Variants in ANKFY1 observed in about 807,000 individuals in gnomAD.
The protein encoded by ANKFY1 is ankyrin repeat and FYVE domain containing 1.
Under a neutral mutation model 128.3 loss-of-function variants are expected in ANKFY1, and 47 were observed. The observed-to-expected ratio is 0.37, with a 90% CI of 0.29 to 0.47. The LOEUF is 0.47. ANKFY1 is among the 20% of genes least tolerant of loss of function. The pLI, the probability that ANKFY1 is intolerant of heterozygous loss-of-function variation, is 1.00. For synonymous variants in ANKFY1, 553 were observed against 601.6 expected, an observed-to-expected ratio of 0.92 and a Z score of 1.18; for missense variants, 1,222 against 1,510.6, an observed-to-expected ratio of 0.81 and a Z score of 3.17.
At chr17:4,190,663 T>C (rs2059700644) in intron 10 of ANKFY1, among the ~76,000 whole-genome samples, 1 of 152,192 alleles carries the variant, frequency 6.6e-6, no homozygotes, top group South Asian at 2.1e-4. Flanking sequence ...TACTCTTTTC[T>C]AAATAAAAAC....
intron 3 of ANKFY1, among the ~76,000 whole-genome samples, chr17:4,221,766 C>T (rs938575138): frequency 9.9e-5 from 15 of 152,086 alleles, no homozygotes; most frequent in African/African-American, 3.4e-4. Context: ...TACAGGAGTG[C>T]GTCATCACAC....
At chr17:4,200,458 A>G (rs1232426174) in intron 7 of ANKFY1, among the ~76,000 whole-genome samples, 1 of 152,214 alleles carries the variant, frequency 6.6e-6, no homozygotes, top group Non-Finnish European at 1.5e-5. Context: ...CTGATGGGTG[A>G]TAGCAAGTTA....
In ANKFY1 at chr17:4,167,945, C is replaced by T. The variant is rs776296631; in HGVS notation, c.3378-34G>A. 1.2e-5 allele frequency: 19 copies of T among 1,597,780 alleles called. No homozygotes were observed. The highest frequency in any genetic ancestry group is 4.5e-5 in the East Asian group (2 of 44,624). On this transcript the variant is annotated intron_variant, in intron 24 of 24. Coordinates refer to ENST00000341657, the MANE Select transcript of ANKFY1 (RefSeq NM_001330063.2). The surrounding 1 kb of genome is among the most constrained non-coding windows in gnomAD (Gnocchi z 4.1). The stretch of plus-strand genomic sequence containing the variant: ...GCAAAGAAAGGAAGTATGAGAGGAG[C>T]GCCAACGACAGACTCTGCTTCCTGG...
At chr17:4,189,259 T>G (rs945253758) in intron 11 of ANKFY1, 123 bp downstream of exon 11, 22 of 702,968 alleles carry the variant, frequency 3.1e-5, no homozygotes, top group Non-Finnish European at 1.2e-5. Flanking sequence ...TTTAACCATA[T>G]GCATGTATTA....
At position 4,195,212 on chromosome 17, in the gene ANKFY1, A is replaced by G. The variant is rs202108482; in HGVS notation, c.1173-35T>C. On this transcript the variant is annotated intron_variant, in intron 9 of 24. Transcript: ENST00000341657. ...AGAAGCAGTGTCAACAGCACATACAATCTTTTTGAGACACTCTATACTGAC... is the reference window on the plus strand; with the variant it reads ...AGAAGCAGTGTCAACAGCACATACAGTCTTTTTGAGACACTCTATACTGAC... 193 of 1,566,848 alleles carry G rather than the reference A, an allele frequency of 1.2e-4. No individual in the cohort carries two copies. In the African/African-American group the frequency reaches 2.5e-3, roughly 20 times the overall value.
At chr17:4,259,616 G>A (rs950938915) in intron 1 of ANKFY1, among the ~76,000 whole-genome samples, 2 of 152,178 alleles carry the variant, frequency 1.3e-5, no homozygotes, top group African/African-American at 4.8e-5. Context: ...AAACAAAAAT[G>A]GGCTGGATGA....
rs373965975 is a variant in ANKFY1 at position 4,210,981 on chromosome 17, G to A, written c.459-1034C>T. ...CAGGAGGCGGAGATTGCAGTGAGCC[G>A]AGATTACGCCACTGCACTCCAGCCT... is the stretch of plus-strand genomic sequence containing the variant. On this transcript the variant is annotated intron_variant, in intron 4 of 24. Coordinates refer to ENST00000341657, the MANE Select transcript of ANKFY1 (RefSeq NM_001330063.2). 5.3e-5 allele frequency among the ~76,000 whole-genome samples: 8 copies of A among 151,890 alleles called. No individual in the cohort carries two copies. The East Asian group carries it at 7.7e-4, about 15-fold the overall frequency.
chr17:4,189,927 G>A (rs1462062538), intron 10 of ANKFY1, among the ~76,000 whole-genome samples: 2 of 152,210 alleles, frequency 1.3e-5, no homozygotes, highest in African/African-American at 2.4e-5. Flanking sequence ...GCTAGGGAAC[G>A]CCCCGGGCTG....
intron 1 of ANKFY1, among the ~76,000 whole-genome samples, chr17:4,252,142 A>G (rs920443785): frequency 6.6e-6 from 1 of 152,190 alleles, no homozygotes; most frequent in Non-Finnish European, 1.5e-5. Context: ...TTCACCAAAC[A>G]AGATAAATGT....
chr17:4,223,299 G>A lies in ANKFY1; in HGVS notation c.323-6181C>T, dbSNP rs146332960. The A allele has an allele frequency of 5.5e-3, 6,010 of 1,096,250 alleles. 17 individuals are homozygous for A. Among genetic ancestry groups the A allele is most frequent in the Non-Finnish European group, 7.5e-3 (5,331 of 711,368 alleles). The allele number at this position is 1,096,250 out of a possible 1,614,324, so 67.9% of individuals were successfully genotyped here. A position where few individuals can be genotyped will look rare whatever the true frequency, so the allele number is the denominator to read the frequency against. On this transcript the variant is annotated intron_variant, in intron 3 of 24. Coordinates refer to ENST00000341657, the MANE Select transcript of ANKFY1 (RefSeq NM_001330063.2). Reference sequence around the variant, plus strand: ...AATCTTCACTTGTTTTTACGGCAGTGCAAGTTAGTAGAGGCCAATAATCCA... The same window carrying A: ...AATCTTCACTTGTTTTTACGGCAGTACAAGTTAGTAGAGGCCAATAATCCA...
At chr17:4,193,763 AATTT>A (rs2059761702) in intron 10 of ANKFY1, among the ~76,000 whole-genome samples, 2 of 144,888 alleles carry the variant, frequency 1.4e-5, no homozygotes, top group South Asian at 4.4e-4. Context: ...TTAATTAATT[AATTT>A]ACTTATTTTT....
intron 4 of ANKFY1, among the ~76,000 whole-genome samples, chr17:4,210,708 C>CAAAAAAAAAAAAAAAAAAAAAAAAA: frequency 2.4e-5 from 1 of 42,454 alleles, no homozygotes; most frequent in Non-Finnish European, 3.7e-5. Flanking sequence ...AACTCTGTCG[C>CAAAAAAAAAAAAAAAAAAAAAAAAA]AAAAAAAAAA....
chr17:4,228,478 G>A (rs910969868), intron 3 of ANKFY1, among the ~76,000 whole-genome samples: 7 of 151,506 alleles, frequency 4.6e-5, no homozygotes, highest in Admixed American at 1.3e-4. Flanking sequence ...GTGCAATGAC[G>A]CGATCTCGGC....
intron 1 of ANKFY1, among the ~76,000 whole-genome samples, chr17:4,252,839 GAAGAGCACTCAGCA>G (rs1967909781): frequency 6.6e-6 from 1 of 152,134 alleles, no homozygotes; most frequent in African/African-American, 2.4e-5. Context: ...CCATATAATG[GAAGAGCACTCAGCA>G]ATAAAACAGA....
Position 4,178,950 on chromosome 17 carries a change from T to A in ANKFY1, c.2505A>T (p.Arg835Ser). 1 of 1,614,226 alleles carries A rather than the reference T, an allele frequency of 6.2e-7. No homozygotes were observed. Among genetic ancestry groups the A allele is most frequent in the East Asian group, 2.2e-5 (1 of 44,888 alleles). Residue 835 changes from arginine (R) to serine (S), a missense_variant, in exon 18 of 25, where the codon AGA (arginine) becomes AGT (serine). Transcript: ENST00000341657. The surrounding 1 kb of genome is among the most constrained non-coding windows in gnomAD (Gnocchi z 4.1). Reference protein sequence around the residue: ...HPDIHLNVRDRQGLTPFACAM... With the variant: ...HPDIHLNVRDSQGLTPFACAM... Reference sequence around the variant, plus strand: ...CACAGGCAAACGGGGTCAGCCCTTGTCTGTCTCGTACATTCAAATGGATAT... The same window carrying A: ...CACAGGCAAACGGGGTCAGCCCTTGACTGTCTCGTACATTCAAATGGATAT...
intron 1 of ANKFY1, chr17:4,263,567 G>C (rs1567989424): frequency 6.5e-7 from 1 of 1,527,936 alleles, no homozygotes; most frequent in Non-Finnish European, 8.8e-7. Context: ...CAGGACAGCA[G>C]TTTCGATTTC....
chr17:4,221,783 A>C (rs542412310), intron 3 of ANKFY1, among the ~76,000 whole-genome samples: 1 of 151,988 alleles, frequency 6.6e-6, no homozygotes, highest in African/African-American at 2.4e-5. Flanking sequence ...ACACCCAGCT[A>C]ATTTTTGTAT....
At chr17:4,202,566 G>A (rs1289018182) in intron 7 of ANKFY1, among the ~76,000 whole-genome samples, 10 of 132,766 alleles carry the variant, frequency 7.5e-5, no homozygotes, top group Non-Finnish European at 1.1e-4. Context: ...GCATGGTGGC[G>A]CGCGCCTGTA....
intron 2 of ANKFY1, among the ~76,000 whole-genome samples, chr17:4,239,695 CA>C (rs1196268090): frequency 6.6e-6 from 1 of 152,082 alleles, no homozygotes; most frequent in African/African-American, 2.4e-5. Flanking sequence ...CGTGCCACCA[CA>C]TGTGGCTAAT....
Sources: allele counts gnomAD v4.1 joint callset (sites outside exome capture counted in the v4.1 genomes callset), GRCh38; gene constraint gnomAD v4.1.1; non-coding constraint Gnocchi (gnomAD v3.1); transcripts MANE v1.5; gene names NCBI Gene and HGNC (gene_info 2026-07-23, HGNC 2026-07-21).